Variants in CDK5RAP1 observed in about 807,000 individuals in gnomAD.
CDK5RAP1 encodes the protein CDK5RAP1 mitochondrial tRNA methylthiotransferase, also known as mitochondrial tRNA methylthiotransferase CDK5RAP1.
CDK5RAP1 carries 62 observed loss-of-function variants against 64.5 expected under a neutral mutation model. The observed-to-expected ratio is 0.96, with a 90% CI of 0.78 to 1.19. The LOEUF is 1.19. Ranked by LOEUF, CDK5RAP1 falls within the 50% of genes most tolerant of loss-of-function variation. The pLI is 0.00. For missense variants in CDK5RAP1, 657 were observed against 735.0 expected (o/e 0.89, Z 1.23); for synonymous variants, 250 against 261.9 (o/e 0.95, Z 0.44).
chr20:33,369,339 C>T (rs1055614892), intron 11 of CDK5RAP1, among the ~76,000 whole-genome samples: 7 of 151,464 alleles, frequency 4.6e-5, no homozygotes, highest in Non-Finnish European at 8.8e-5. Context: ...AAAAATTAGC[C>T]GGGCATGGTG....
At chr20:33,379,334 T>C in intron 8 of CDK5RAP1, 127 bp downstream of exon 8, 1 of 653,784 alleles carries the variant, frequency 1.5e-6, no homozygotes, top group Non-Finnish European at 2.7e-6. Context: ...ATCTGGAGGG[T>C]GATGCAGCAA....
intron 11 of CDK5RAP1, among the ~76,000 whole-genome samples, chr20:33,368,036 T>C (rs1358988854): frequency 1.3e-5 from 2 of 152,202 alleles, no homozygotes; most frequent in Non-Finnish European, 2.9e-5. Context: ...TTATAACTGC[T>C]TTAAACATAT....
In CDK5RAP1 at chr20:33,374,023, C is replaced by A. The variant is rs766484125; in HGVS notation, c.1205+92G>T. 126 of 856,074 alleles carry A rather than the reference C, an allele frequency of 1.5e-4. 1 individual carries two copies. Among genetic ancestry groups the A allele is most frequent in the Non-Finnish European group, 2.3e-4 (115 of 504,116 alleles). The allele number at this position is 856,074 out of a possible 1,614,324, so 53.0% of individuals were successfully genotyped here. On this transcript the variant is annotated intron_variant, in intron 9 of 13. Transcript: ENST00000346416. ...TACTGAGCAGCTACTTTGTGCCACA[C>A]ACTATGCTAGGTTCTTGGCAACAAG...
At chr20:33,398,302 G>C (rs1179859903) in intron 1 of CDK5RAP1, among the ~76,000 whole-genome samples, 2 of 152,050 alleles carry the variant, frequency 1.3e-5, no homozygotes, top group East Asian at 3.9e-4. Flanking sequence ...AGACCAGCCT[G>C]GCCAACACAG....
Position 33,394,972 on chromosome 20 carries a change from G to A in CDK5RAP1, c.408+41C>T. ...AGAACTGGCACAAATGCAGAATCTTGCCCAGGTCCAGGAAACAAAGGAAAT... is the reference window on the plus strand; with the variant it reads ...AGAACTGGCACAAATGCAGAATCTTACCCAGGTCCAGGAAACAAAGGAAAT... On this transcript the variant is annotated intron_variant, in intron 3 of 13. Transcript: ENST00000346416. 4 of 1,230,274 alleles carry A rather than the reference G, an allele frequency of 3.3e-6. No individual in the cohort carries two copies. The East Asian group carries it at 9.3e-5, about 29-fold the overall frequency. 76.2% of individuals were successfully genotyped at this position (1,230,274 alleles called of 1,614,324 possible). A position where few individuals can be genotyped will look rare whatever the true frequency, so the allele number is the denominator to read the frequency against.
intron 11 of CDK5RAP1, among the ~76,000 whole-genome samples, chr20:33,367,982 CAAT>C (rs748264020): frequency 2.5e-4 from 38 of 152,318 alleles, no homozygotes; most frequent in Non-Finnish European, 4.0e-4. Context: ...CTACTAACAA[CAAT>C]AACTTACCTC....
chr20:33,380,386 GA>G (rs1168031019), intron 7 of CDK5RAP1, among the ~76,000 whole-genome samples: 2 of 152,034 alleles, frequency 1.3e-5, no homozygotes, highest in Non-Finnish European at 2.9e-5. Context: ...TACTTTTGTA[GA>G]GATGGGATTT....
intron 11 of CDK5RAP1, among the ~76,000 whole-genome samples, chr20:33,368,994 G>C (rs1011272772): frequency 6.6e-6 from 1 of 151,682 alleles, no homozygotes; most frequent in Non-Finnish European, 1.5e-5. Context: ...ACAAAAATTA[G>C]CCAGGTGTGG....
intron 1 of CDK5RAP1, among the ~76,000 whole-genome samples, chr20:33,400,171 T>C (rs1366619165): frequency 6.6e-6 from 1 of 152,276 alleles, no homozygotes; most frequent in Non-Finnish European, 1.5e-5. Context: ...CAGGCAGTAA[T>C]GCCAGCTTTG....
chr20:33,373,170 G>C (rs1449654537), intron 9 of CDK5RAP1: 1 of 164,024 alleles, frequency 6.1e-6, no homozygotes, highest in Middle Eastern at 2.9e-3. Context: ...GTGTGTGTGT[G>C]TGTGTCTGTG....
At chr20:33,385,896 G>T in intron 6 of CDK5RAP1, 126 bp from the exon 7 acceptor site, 3 of 823,608 alleles carry the variant, frequency 3.6e-6, no homozygotes, top group South Asian at 2.0e-5. Context: ...TGCTCACACT[G>T]GACCAATCTG....
rs974607364 is a variant in CDK5RAP1 at position 33,379,409 on chromosome 20, G to A, written c.1107+52C>T. The stretch of plus-strand genomic sequence containing the variant: ...TGCATCCCTACTGGGTCCAGCCTTT[G>A]GCATGCTCAAGAATACTAATATCAG... On this transcript the variant is annotated intron_variant, in intron 8 of 13. Coordinates refer to ENST00000346416, the MANE Select transcript of CDK5RAP1 (RefSeq NM_016408.4). The A allele has an allele frequency of 4.5e-6, 6 of 1,341,540 alleles. No homozygotes were observed. The African/African-American group carries it at 8.6e-5, about 19-fold the overall frequency. 83.1% of individuals were successfully genotyped at this position (1,341,540 alleles called of 1,614,324 possible).
At chr20:33,360,132 C>A (rs2146567318) in intron 13 of CDK5RAP1, 1 of 544,978 alleles carries the variant, frequency 1.8e-6, no homozygotes, top group East Asian at 3.1e-5. Flanking sequence ...CAAATTCCCA[C>A]AAAGAACGCT....
intron 5 of CDK5RAP1, among the ~76,000 whole-genome samples, chr20:33,387,895 T>C (rs775708094): frequency 1.3e-5 from 2 of 151,884 alleles, no homozygotes; most frequent in Non-Finnish European, 2.9e-5. Context: ...AGAGAAACCC[T>C]GTCTCTACTA....
intron 9 of CDK5RAP1, chr20:33,373,108 G>A (rs1985355744): frequency 5.5e-6 from 1 of 181,002 alleles, no homozygotes; most frequent in African/African-American, 2.4e-5. Context: ...GTCTGTATGT[G>A]TGTGTGTATG....
At position 33,375,205 on chromosome 20, in the gene CDK5RAP1, C is replaced by T. The variant is rs539947696; in HGVS notation, c.1108-993G>A. On this transcript the variant is annotated intron_variant, in intron 8 of 13. Transcript: ENST00000346416. ...TCATTTGAGGTCAGCAGTTCGAGACCAGCTTGGCCAACATGGTAAAACCCC... is the reference window on the plus strand; with the variant it reads ...TCATTTGAGGTCAGCAGTTCGAGACTAGCTTGGCCAACATGGTAAAACCCC... Among the ~76,000 whole-genome samples, 8 of 151,626 alleles carry T rather than the reference C, an allele frequency of 5.3e-5. No homozygotes were observed. In the South Asian group the frequency reaches 1.5e-3, roughly 28 times the overall value.
At chr20:33,393,939 G>A (rs1436375373) in intron 4 of CDK5RAP1, 93 bp downstream of exon 4, 3 of 889,294 alleles carry the variant, frequency 3.4e-6, no homozygotes, top group African/African-American at 1.6e-5. Context: ...TGGGGCCACT[G>A]GCTCATCTCC....
At chr20:33,360,206 A>G (rs1382167033) in intron 13 of CDK5RAP1, 145 bp downstream of exon 13, 7 of 695,954 alleles carry the variant, frequency 1.0e-5, no homozygotes, top group Non-Finnish European at 4.9e-6. Flanking sequence ...CTAAAATCCA[A>G]TCCAAAGTGC....
Position 33,358,996 on chromosome 20 carries a change from C to G in CDK5RAP1, c.*47G>C. 2 of 1,359,424 alleles carry G rather than the reference C, an allele frequency of 1.5e-6. No individual in the cohort carries two copies. Among genetic ancestry groups the G allele is most frequent in the Non-Finnish European group, 2.1e-6 (2 of 952,556 alleles). 84.2% of individuals were successfully genotyped at this position (1,359,424 alleles called of 1,614,324 possible). ...CAGTGGCAGGCAATGTCTCCCCTTCCTGTTGGGGAGGATTGCCCAAGTCAG... is the reference window on the plus strand; with the variant it reads ...CAGTGGCAGGCAATGTCTCCCCTTCGTGTTGGGGAGGATTGCCCAAGTCAG... On this transcript the variant is annotated 3_prime_UTR_variant, in exon 14 of 14. Coordinates refer to ENST00000346416, the MANE Select transcript of CDK5RAP1 (RefSeq NM_016408.4).
Sources: allele counts gnomAD v4.1 joint callset (sites outside exome capture counted in the v4.1 genomes callset), GRCh38; gene constraint gnomAD v4.1.1; transcripts MANE v1.5; gene names NCBI Gene and HGNC (gene_info 2026-07-23, HGNC 2026-07-21).